SGIP1: variants seen among roughly 807,000 people sequenced by gnomAD.
SGIP1 encodes SH3GL interacting endocytic adaptor 1.
In SGIP1, 38 loss-of-function variants were observed where a neutral mutation model predicts 107.5. That is an observed-to-expected ratio of 0.35 (90% CI 0.27 to 0.46). SGIP1 has a LOEUF of 0.46. Ranked by LOEUF, SGIP1 falls within the 20% of genes least tolerant of loss-of-function variation. The pLI is 1.00. For missense variants in SGIP1, 929 were observed against 1,019.5 expected, an observed-to-expected ratio of 0.91 and a Z score of 1.21; for synonymous variants, 365 against 366.1, an observed-to-expected ratio of 1.00 and a Z score of 0.03.
At chr1:66,731,578 T>C (rs1557787061) in intron 20 of SGIP1, among the ~76,000 whole-genome samples, 1 of 152,220 alleles carries the variant, frequency 6.6e-6, no homozygotes, top group South Asian at 2.1e-4. Context: ...TTGGATCTTA[T>C]GAACTCTACT....
At chr1:66,679,335 T>A (rs560364158) in intron 13 of SGIP1, among the ~76,000 whole-genome samples, 8 of 152,276 alleles carry the variant, frequency 5.3e-5, no homozygotes, top group African/African-American at 1.9e-4. Flanking sequence ...GGCCAAAGAC[T>A]ATTTTTATTC....
chr1:66,636,046 C>G, intron 4 of SGIP1, 31 bp downstream of exon 4: 1 of 1,597,614 alleles, frequency 6.3e-7, no homozygotes, highest in Non-Finnish European at 8.6e-7. Flanking sequence ...TTAAAATTTC[C>G]AAAGGGTTAT....
intron 1 of SGIP1, among the ~76,000 whole-genome samples, chr1:66,564,724 A>G (rs1442466281): frequency 1.3e-5 from 2 of 152,034 alleles, no homozygotes; most frequent in Admixed American, 1.3e-4. Context: ...AGGTAAAGAA[A>G]CTAACTTTGA....
At chr1:66,674,791 C>G (rs2084798746) in intron 12 of SGIP1, among the ~76,000 whole-genome samples, 2 of 152,166 alleles carry the variant, frequency 1.3e-5, no homozygotes, top group Admixed American at 6.5e-5. Flanking sequence ...ATTCTAAGAG[C>G]AAAACTAGAA....
chr1:66,650,526 T>C (rs2078542451), intron 7 of SGIP1, among the ~76,000 whole-genome samples: 1 of 152,110 alleles, frequency 6.6e-6, no homozygotes, highest in South Asian at 2.1e-4. Context: ...TTCACTTCAG[T>C]TTCCTGATTG....
intron 13 of SGIP1, among the ~76,000 whole-genome samples, chr1:66,677,359 T>C (rs1017220088): frequency 2.0e-5 from 3 of 152,340 alleles, no homozygotes; most frequent in Non-Finnish European, 2.9e-5. Context: ...ATTCATTCAT[T>C]TATTCATTGT....
intron 1 of SGIP1, among the ~76,000 whole-genome samples, chr1:66,596,923 A>G (rs144422340): frequency 5.9e-5 from 9 of 152,290 alleles, no homozygotes; most frequent in African/African-American, 1.9e-4. Flanking sequence ...TGCTGCTCAA[A>G]TATTTTCAAA....
chr1:66,741,384 A>G lies in SGIP1; in HGVS notation c.2412A>G (p.Glu804=). ...GCACCCTTTCTGGCTGTGACATTGAACTTGTTGGAGCAGGGTATCGATTTT... is the reference window on the plus strand; with the variant it reads ...GCACCCTTTCTGGCTGTGACATTGAGCTTGTTGGAGCAGGGTATCGATTTT... ...EGSTLSGCDI[E]LVGAGYRFSL... is the part of the protein sequence containing the mutation. The change falls in exon 24 of 25, where the codon GAA becomes GAG. Residue 804 remains glutamate (E), a synonymous_variant. Coordinates refer to ENST00000371037, the MANE Select transcript of SGIP1 (RefSeq NM_032291.4). 1 of 1,609,468 alleles carries G rather than the reference A, an allele frequency of 6.2e-7. No individual in the cohort carries two copies. Among genetic ancestry groups the G allele is most frequent in the African/African-American group, 1.3e-5 (1 of 74,852 alleles).
chr1:66,683,700 CTTTTTTTTTTTTTTTTT>C (rs869266510), intron 15 of SGIP1, among the ~76,000 whole-genome samples: 1 of 61,396 alleles, frequency 1.6e-5, no homozygotes, highest in African/African-American at 5.7e-5. Flanking sequence ...TGTTTCTTTT[CTTTTTTTTTTTTTTTTT>C]TTTTTTTTTT....
intron 4 of SGIP1, among the ~76,000 whole-genome samples, chr1:66,636,860 G>A (rs1384958543): frequency 6.6e-6 from 1 of 152,098 alleles, no homozygotes; most frequent in Non-Finnish European, 1.5e-5. Flanking sequence ...GAACTTAACT[G>A]TCACTATATT....
intron 20 of SGIP1, among the ~76,000 whole-genome samples, chr1:66,731,284 T>C (rs2093997676): frequency 6.6e-6 from 1 of 152,160 alleles, no homozygotes; most frequent in Admixed American, 6.5e-5. Context: ...TTTTTCAAGG[T>C]TCCTCCATCT....
At chr1:66,547,211 C>T (rs1360511349) in intron 1 of SGIP1, among the ~76,000 whole-genome samples, 2 of 152,046 alleles carry the variant, frequency 1.3e-5, no homozygotes, top group Non-Finnish European at 2.9e-5. Flanking sequence ...TCCATGTCTA[C>T]AAATGATTTT....
intron 21 of SGIP1, among the ~76,000 whole-genome samples, chr1:66,736,083 A>T (rs1176456244): frequency 2.7e-5 from 4 of 148,524 alleles, no homozygotes; most frequent in Admixed American, 2.0e-4. Flanking sequence ...TATTTAAATA[A>T]TATAAATATT....
intron 20 of SGIP1, among the ~76,000 whole-genome samples, chr1:66,732,601 A>G (rs1038055731): frequency 6.6e-6 from 1 of 152,166 alleles, no homozygotes; most frequent in Non-Finnish European, 1.5e-5. Flanking sequence ...ACAGTTTTAA[A>G]GCCCTGGTGT....
At chr1:66,564,363 C>A (rs971752934) in intron 1 of SGIP1, among the ~76,000 whole-genome samples, 7 of 151,876 alleles carry the variant, frequency 4.6e-5, no homozygotes, top group Non-Finnish European at 7.4e-5. Flanking sequence ...TCATCTGGAA[C>A]TAAGATCTCC....
intron 18 of SGIP1, among the ~76,000 whole-genome samples, chr1:66,708,806 C>T (rs1181827172): frequency 6.6e-6 from 1 of 152,046 alleles, no homozygotes; most frequent in Non-Finnish European, 1.5e-5. Context: ...ACATGACATA[C>T]ATATATAACC....
chr1:66,595,945 A>G (rs971552575), intron 1 of SGIP1, among the ~76,000 whole-genome samples: 9 of 152,222 alleles, frequency 5.9e-5, no homozygotes, highest in African/African-American at 1.9e-4. Context: ...GGCCATGACT[A>G]TTAAAGGGCA....
chr1:66,611,932 T>C (rs1472497174), intron 1 of SGIP1, among the ~76,000 whole-genome samples: 1 of 152,210 alleles, frequency 6.6e-6, no homozygotes, highest in East Asian at 1.9e-4. Flanking sequence ...AAATTAAATG[T>C]TACAGAATCT....
chr1:66,666,567 T>C (rs2082591592), intron 8 of SGIP1: 1 of 152,602 alleles, frequency 6.6e-6, no homozygotes, highest in Admixed American at 6.5e-5. Context: ...TTAGGTAGTA[T>C]GGCCATTTTC....
Sources: gnomAD v4.1 joint callset for allele counts (sites outside exome capture counted in the v4.1 genomes callset) on GRCh38, gnomAD v4.1.1 for gene constraint, MANE v1.5 for transcripts, NCBI Gene and HGNC (gene_info 2026-07-23, HGNC 2026-07-21) for gene names.